The following KDM5A variants were observed in gnomAD, a reference collection of about 807,000 sequenced individuals.
The protein encoded by KDM5A is lysine-specific demethylase 5A.
Under a neutral mutation model 193.5 loss-of-function variants are expected in KDM5A, and 42 were observed. The observed-to-expected ratio is 0.22, with a 90% CI of 0.17 to 0.28. The LOEUF is 0.28. Ranked by LOEUF, KDM5A falls within the 10% of genes least tolerant of loss-of-function variation. KDM5A has a pLI of 1.00. For synonymous variants in KDM5A, 796 were observed against 718.1 expected (o/e 1.11, Z -1.73); for missense variants, 1,692 against 2,055.1 (o/e 0.82, Z 3.42).
rs60377454 is a variant in KDM5A, at chr12:323,210, CA to C, written c.2151-5del. The stretch of plus-strand genomic sequence containing the variant: ...GTCTTCTAATGGGTAGCGATATCTA[CA>C]AAAAAAAAAAAAAAAAAAAAAAAAA... On this transcript the variant is annotated splice_polypyrimidine_tract_variant and splice_region_variant and intron_variant, in intron 15 of 27. Transcript: ENST00000399788. 6,308 of 292,938 alleles carry C rather than the reference CA, an allele frequency of 0.022. No homozygotes were observed. The highest frequency in any genetic ancestry group is 0.047 in the African/African-American group (666 of 14,294). The allele number at this position is 292,938 out of a possible 1,614,324, so 18.1% of individuals were successfully genotyped here. A position where few individuals can be genotyped will look rare whatever the true frequency, so the allele number is the denominator to read the frequency against.
At chr12:323,848 ACTACATTTTTTT>A in intron 14 of KDM5A, 67 bp from the exon 15 acceptor site, 1 of 1,323,286 alleles carries the variant, frequency 7.6e-7, no homozygotes, top group Non-Finnish European at 1.1e-6. Context: ...AACTTAAGTT[ACTACATTTTTTT>A]CTATAGACAA....
At chr12:378,797 A>C (rs1475558743) in intron 3 of KDM5A, among the ~76,000 whole-genome samples, 1 of 152,064 alleles carries the variant, frequency 6.6e-6, no homozygotes, top group Non-Finnish European at 1.5e-5. Context: ...TCTCTACTAA[A>C]AAATACAAAA....
intron 14 of KDM5A, among the ~76,000 whole-genome samples, chr12:327,298 G>T (rs1466540681): frequency 1.3e-5 from 2 of 152,108 alleles, no homozygotes; most frequent in Non-Finnish European, 2.9e-5. Flanking sequence ...GCACAAAATC[G>T]TATTTCATGA....
At chr12:335,065 C>T (rs1484964778) in intron 10 of KDM5A, among the ~76,000 whole-genome samples, 3 of 152,062 alleles carry the variant, frequency 2.0e-5, no homozygotes, top group Non-Finnish European at 4.4e-5. Flanking sequence ...ACCATCACTC[C>T]TAACCATTAT....
At chr12:370,324 C>T (rs7296772) in intron 3 of KDM5A, among the ~76,000 whole-genome samples, 8,614 of 152,176 alleles carry the variant, frequency 0.057, 794 homozygotes, top group African/African-American at 0.19. Context: ...ACCCAGGAGG[C>T]GGGGATTGCA....
At chr12:350,224 G>T (rs1454132126) in intron 10 of KDM5A, among the ~76,000 whole-genome samples, 2 of 152,114 alleles carry the variant, frequency 1.3e-5, no homozygotes, top group East Asian at 3.9e-4. Context: ...ATCACCTGAG[G>T]TCAGGAGTTC....
chr12:361,987 T>C (rs1944298977), intron 5 of KDM5A, among the ~76,000 whole-genome samples: 1 of 152,222 alleles, frequency 6.6e-6, no homozygotes, highest in East Asian at 1.9e-4. Context: ...ACCTCTCCTC[T>C]ACACAACCCC....
At chr12:350,854 C>T in intron 9 of KDM5A, 75 bp from the exon 10 acceptor site, 4 of 1,264,472 alleles carry the variant, frequency 3.2e-6, no homozygotes, top group Non-Finnish European at 4.6e-6. Flanking sequence ...TACACAGGAT[C>T]AAGTAAACAC....
At chr12:382,733 AC>A (rs749287644) in intron 3 of KDM5A, among the ~76,000 whole-genome samples, 21 of 152,096 alleles carry the variant, frequency 1.4e-4, no homozygotes, top group Non-Finnish European at 2.4e-4. Context: ...GAAGTTCGAG[AC>A]CAGCCTGACT....
Position 295,567 on chromosome 12 carries a change from C to A in KDM5A, c.4455+6G>T, listed in dbSNP as rs201730673. 4.7e-5 allele frequency: 76 copies of A among 1,612,628 alleles called. 1 individual carries two copies. The Admixed American group carries it at 1.2e-3, about 26-fold the overall frequency. ...ACCACTGTTTAAATAAGTATTAAAT[C>A]CACACCTCCATGATATGCAAGAATC... On this transcript the variant is annotated splice_donor_region_variant and intron_variant, in intron 26 of 27. Coordinates refer to ENST00000399788, the MANE Select transcript of KDM5A (RefSeq NM_001042603.3).
chr12:385,804 T>C (rs2137501825), intron 2 of KDM5A, 93 bp downstream of exon 2: 2 of 905,214 alleles, frequency 2.2e-6, no homozygotes, highest in Non-Finnish European at 3.7e-6. Context: ...ACACAAACTC[T>C]AGGCTGTGGT....
intron 20 of KDM5A, among the ~76,000 whole-genome samples, chr12:312,086 A>C (rs1242463416): frequency 6.6e-6 from 1 of 152,200 alleles, no homozygotes; most frequent in African/African-American, 2.4e-5. Context: ...GCAGCAGTGT[A>C]GTGGAAGTTG....
rs768670491 is a variant in KDM5A, at chr12:295,585, C to T, written c.4443G>A (p.Leu1481=). The T allele has an allele frequency of 5.0e-6, 8 of 1,613,842 alleles. No homozygotes were observed. The East Asian group carries it at 1.8e-4, about 36-fold the overall frequency. ...ATTAAATCCACACCTCCATGATATG[C>T]AAGAATCTGTCTTCAGAGGGTGGGT... ...ATHPPSEDRF[L]HIMEDDSMEE... is the part of the protein sequence containing the mutation. The change falls in exon 26 of 28, where the codon TTG becomes TTA. Residue 1481 remains leucine, a synonymous_variant. Transcript: ENST00000399788.
chr12:310,061 C>A (rs554568433), intron 21 of KDM5A, 97 bp from the exon 22 acceptor site: 2 of 1,281,608 alleles, frequency 1.6e-6, no homozygotes, highest in African/African-American at 3.0e-5. Context: ...TCAACCATGT[C>A]CCACGCACTT....
chr12:373,563 T>C (rs1286904083), intron 3 of KDM5A, among the ~76,000 whole-genome samples: 1 of 152,212 alleles, frequency 6.6e-6, no homozygotes, highest in Non-Finnish European at 1.5e-5. Context: ...GAAGGGTTTT[T>C]TGTGTCTCTA....
At chr12:346,260 T>C (rs781259353) in intron 10 of KDM5A, among the ~76,000 whole-genome samples, 5 of 152,150 alleles carry the variant, frequency 3.3e-5, no homozygotes, top group Non-Finnish European at 7.3e-5. Flanking sequence ...GGCTCTGAAA[T>C]TGAGGCAATA....
rs536896801 is a variant in KDM5A at position 282,218 on chromosome 12, G to A, written c.*3238C>T. 20 of 241,430 alleles carry A rather than the reference G, an allele frequency of 8.3e-5. No homozygotes were observed. In the South Asian group the frequency reaches 1.9e-3, roughly 23 times the overall value. The allele number at this position is 241,430 out of a possible 1,614,324, so 15.0% of individuals were successfully genotyped here. A position where few individuals can be genotyped will look rare whatever the true frequency, so the allele number is the denominator to read the frequency against. ...CATGGGGTCTCGCTGTTGACCAGGC[G>A]GGACTCAAACTCACAGGTTGAAGCA... On this transcript the variant is annotated 3_prime_UTR_variant, in exon 28 of 28. Transcript: ENST00000399788.
At chr12:374,160 T>C (rs1430008338) in intron 3 of KDM5A, among the ~76,000 whole-genome samples, 1 of 152,202 alleles carries the variant, frequency 6.6e-6, no homozygotes, top group Admixed American at 6.5e-5. Context: ...CTCGTTGATC[T>C]GTCTAATATT....
rs997906028 is a variant in KDM5A, at chr12:283,000, T to C, written c.*2456A>G. ...AAATCCTCCATGACTGTCAAGTAAATACAGAAAATCCCACAGTATCAACGA... is the reference window on the plus strand; with the variant it reads ...AAATCCTCCATGACTGTCAAGTAAACACAGAAAATCCCACAGTATCAACGA... On this transcript the variant is annotated 3_prime_UTR_variant, in exon 28 of 28. Transcript: ENST00000399788. 2 of 231,538 alleles carry C rather than the reference T, an allele frequency of 8.6e-6. No homozygotes were observed. Among genetic ancestry groups the C allele is most frequent in the Non-Finnish European group, 1.7e-5 (2 of 117,052 alleles). 14.3% of individuals were successfully genotyped at this position (231,538 alleles called of 1,614,324 possible). A position where few individuals can be genotyped will look rare whatever the true frequency, so the allele number is the denominator to read the frequency against.
Sources: allele counts gnomAD v4.1 joint callset (sites outside exome capture counted in the v4.1 genomes callset), GRCh38; gene constraint gnomAD v4.1.1; transcripts MANE v1.5; gene names NCBI Gene and HGNC (gene_info 2026-07-23, HGNC 2026-07-21).